The following GNA14 variants were observed in gnomAD, a reference collection of about 807,000 sequenced individuals.
The protein encoded by GNA14 is G protein subunit alpha 14, also known as guanine nucleotide-binding protein subunit alpha-14.
GNA14 carries 50 observed loss-of-function variants against 42.0 expected under a neutral mutation model. That is an observed-to-expected ratio of 1.19 (90% CI 0.95 to 1.51). The LOEUF (loss-of-function observed/expected upper bound fraction) is 1.51, where lower values mean the gene tolerates loss of function less well. Ranked by LOEUF, GNA14 falls within the 40% of genes most tolerant of loss-of-function variation. The pLI is 0.00. For missense variants in GNA14, 473 were observed against 446.2 expected (o/e 1.06, Z -0.54); for synonymous variants, 173 against 163.1 (o/e 1.06, Z -0.46).
rs116484184 is a variant in GNA14 at position 77,450,567 on chromosome 9, C to A, written c.310-16045G>T. On this transcript the variant is annotated intron_variant, in intron 2 of 6. Coordinates refer to ENST00000341700, the MANE Select transcript of GNA14 (RefSeq NM_004297.4). Reference sequence around the variant, plus strand: ...TCATTCTCCAACGTGTACAGAGCAGCAAAAAAAATCTAAGTCACCTGATGC... The same window carrying A: ...TCATTCTCCAACGTGTACAGAGCAGAAAAAAAAATCTAAGTCACCTGATGC... Among the ~76,000 whole-genome samples the A allele has an allele frequency of 5.4e-3, 813 of 151,662 alleles. 8 individuals carry two copies. The highest frequency in any genetic ancestry group is 0.018 in the African/African-American group (763 of 41,350).
chr9:77,492,248 C>G lies in GNA14; in HGVS notation c.309+36821G>C, dbSNP rs568055607. On this transcript the variant is annotated intron_variant, in intron 2 of 6. Transcript: ENST00000341700. Reference sequence around the variant, plus strand: ...AACAACCTAGTGATGCACCTCAAAGCAACAGAAAAGCCAAACCCAAAATTA... The same window carrying G: ...AACAACCTAGTGATGCACCTCAAAGGAACAGAAAAGCCAAACCCAAAATTA... 3.5e-4 allele frequency among the ~76,000 whole-genome samples: 53 copies of G among 151,358 alleles called. 1 individual carries two copies. Among genetic ancestry groups the G allele is most frequent in the African/African-American group, 9.7e-4 (40 of 41,298 alleles).
intron 2 of GNA14, among the ~76,000 whole-genome samples, chr9:77,499,107 G>GT (rs770442805): frequency 2.7e-4 from 41 of 152,292 alleles, no homozygotes; most frequent in Admixed American, 1.6e-3. Flanking sequence ...CATTAGAAAC[G>GT]TAAGATGGTA....
intron 4 of GNA14, 71 bp from the exon 5 acceptor site, chr9:77,429,107 A>G: frequency 1.4e-6 from 2 of 1,466,352 alleles, no homozygotes; most frequent in African/African-American, 1.4e-5. Context: ...GACATGAATT[A>G]TAGCATGGAA....
At chr9:77,458,805 A>T (rs1836052604) in intron 2 of GNA14, among the ~76,000 whole-genome samples, 1 of 150,700 alleles carries the variant, frequency 6.6e-6, no homozygotes, top group African/African-American at 2.4e-5. Flanking sequence ...AGCAGAAATC[A>T]GGGCCCATTT....
At chr9:77,460,428 T>C (rs1836084345) in intron 2 of GNA14, among the ~76,000 whole-genome samples, 1 of 152,220 alleles carries the variant, frequency 6.6e-6, no homozygotes, top group Non-Finnish European at 1.5e-5. Flanking sequence ...GCCGACACCT[T>C]GATTTCTGAC....
intron 2 of GNA14, among the ~76,000 whole-genome samples, chr9:77,459,508 T>C (rs756195909): frequency 8.6e-5 from 13 of 151,908 alleles, no homozygotes; most frequent in African/African-American, 1.2e-4. Flanking sequence ...TCTTTGCAAC[T>C]TCCTCCCCAA....
chr9:77,621,769 G>C (rs1022112385), intron 1 of GNA14, among the ~76,000 whole-genome samples: 1 of 152,160 alleles, frequency 6.6e-6, no homozygotes, highest in African/African-American at 2.4e-5. Context: ...TATTAAAAGG[G>C]ATGATTTCGT....
intron 1 of GNA14, among the ~76,000 whole-genome samples, chr9:77,616,426 A>C (rs1823818652): frequency 6.6e-6 from 1 of 152,236 alleles, no homozygotes; most frequent in Non-Finnish European, 1.5e-5. Context: ...ACTGCTGTGC[A>C]AGGCACTACT....
chr9:77,523,131 C>G (rs756038431), intron 2 of GNA14, among the ~76,000 whole-genome samples: 1 of 152,190 alleles, frequency 6.6e-6, no homozygotes, highest in East Asian at 1.9e-4. Context: ...AGTGGAATGG[C>G]AGGCAAAATA....
chr9:77,534,113 C>A (rs1014289102), intron 1 of GNA14, among the ~76,000 whole-genome samples: 7 of 152,206 alleles, frequency 4.6e-5, no homozygotes, highest in Admixed American at 1.3e-4. Context: ...TTGCCACGAT[C>A]AAACTAAATA....
intron 2 of GNA14, among the ~76,000 whole-genome samples, chr9:77,437,356 C>T (rs1010915099): frequency 2.0e-5 from 3 of 152,158 alleles, no homozygotes; most frequent in African/African-American, 7.2e-5. Context: ...ACCAGCATGT[C>T]CAACATGGTG....
chr9:77,434,631 A>G (rs886307867), intron 2 of GNA14, 109 bp from the exon 3 acceptor site: 5 of 942,300 alleles, frequency 5.3e-6, no homozygotes, highest in Non-Finnish European at 6.4e-6. Flanking sequence ...AGCTCTCACT[A>G]GGCATGGGGC....
intron 1 of GNA14, among the ~76,000 whole-genome samples, chr9:77,611,337 C>A (rs1013811182): frequency 2.0e-5 from 3 of 152,200 alleles, no homozygotes; most frequent in African/African-American, 7.2e-5. Context: ...GCTACATGGG[C>A]AGGCCCAGAT....
At chr9:77,446,618 G>A (rs756124564) in intron 2 of GNA14, among the ~76,000 whole-genome samples, 6 of 152,144 alleles carry the variant, frequency 3.9e-5, no homozygotes, top group Non-Finnish European at 8.8e-5. Flanking sequence ...TCAGGTGAGG[G>A]AGAGTGAAGG....
At chr9:77,507,737 G>A (rs542971967) in intron 2 of GNA14, among the ~76,000 whole-genome samples, 1 of 151,664 alleles carries the variant, frequency 6.6e-6, no homozygotes, top group South Asian at 2.1e-4. Context: ...GTCTTGCTCT[G>A]TCACCCAACT....
At chr9:77,426,663 T>G (rs1421090772) in intron 5 of GNA14, among the ~76,000 whole-genome samples, 2 of 152,194 alleles carry the variant, frequency 1.3e-5, no homozygotes, top group Non-Finnish European at 2.9e-5. Flanking sequence ...CTGGGGAAGG[T>G]TGTGTAGAAA....
chr9:77,600,445 A>G (rs768064238), intron 1 of GNA14, among the ~76,000 whole-genome samples: 1 of 152,216 alleles, frequency 6.6e-6, no homozygotes, highest in Admixed American at 6.5e-5. Flanking sequence ...ATGAATGAGT[A>G]TTCTCCTTGG....
At chr9:77,534,895 G>A (rs189551663) in intron 1 of GNA14, among the ~76,000 whole-genome samples, 196 of 152,274 alleles carry the variant, frequency 1.3e-3, no homozygotes, top group Non-Finnish European at 2.4e-3. Flanking sequence ...CAACAAGGAG[G>A]TGGATTTCCC....
intron 1 of GNA14, among the ~76,000 whole-genome samples, chr9:77,630,806 A>G (rs918912494): frequency 1.4e-4 from 22 of 152,306 alleles, no homozygotes; most frequent in African/African-American, 5.3e-4. Flanking sequence ...CCTATCAAAT[A>G]TTTGAAAACT....
Sources: gnomAD v4.1 joint callset for allele counts (sites outside exome capture counted in the v4.1 genomes callset) on GRCh38, gnomAD v4.1.1 for gene constraint, MANE v1.5 for transcripts, NCBI Gene and HGNC (gene_info 2026-07-23, HGNC 2026-07-21) for gene names.